Variants in STK33 observed in about 807,000 individuals in gnomAD.
STK33 encodes serine/threonine kinase 33.
A neutral mutation model predicts 58.0 loss-of-function variants in STK33; 52 were observed. The observed-to-expected ratio is 0.90, with a 90% CI of 0.72 to 1.13. STK33 has a LOEUF of 1.13. Ranked by LOEUF, STK33 falls within the 50% of genes most tolerant of loss-of-function variation. The pLI is 0.00. For missense variants in STK33, 630 were observed against 604.2 expected (o/e 1.04, Z -0.45); for synonymous variants, 215 against 200.1 (o/e 1.07, Z -0.63).
At chr11:8,553,166 A>AT (rs1956424859) in intron 1 of STK33, among the ~76,000 whole-genome samples, 1 of 24,226 alleles carries the variant, frequency 4.1e-5, no homozygotes, top group Non-Finnish European at 8.3e-5. Flanking sequence ...TCCAAAAATA[A>AT]AATATATATA....
chr11:8,581,905 C>G (rs77673374), intron 1 of STK33, among the ~76,000 whole-genome samples: 3,467 of 152,250 alleles, frequency 0.023, 141 homozygotes, highest in African/African-American at 0.079. Flanking sequence ...ACATCTATTA[C>G]CCCAGGTCAG....
At chr11:8,337,705 G>T in the STK33 span, among the ~76,000 whole-genome samples, 2 of 151,548 alleles carry the variant, frequency 1.3e-5, no homozygotes, top group African/African-American at 2.4e-5. Context: ...ACCGTTTCTC[G>T]TCTACCGCTC....
At chr11:8,366,752 G>A in the STK33 span, among the ~76,000 whole-genome samples, 1 of 152,210 alleles carries the variant, frequency 6.6e-6, no homozygotes, top group East Asian at 1.9e-4. Context: ...CCATACATCT[G>A]CCACAGGGAT....
At chr11:8,395,660 G>C (rs1229244157) in intron 15 of STK33, among the ~76,000 whole-genome samples, 1 of 151,942 alleles carries the variant, frequency 6.6e-6, no homozygotes, top group Non-Finnish European at 1.5e-5. Context: ...CTTTTTTCTG[G>C]CTATGCAATA....
At chr11:8,400,893 T>C (rs1228328614) in intron 15 of STK33, among the ~76,000 whole-genome samples, 1 of 152,096 alleles carries the variant, frequency 6.6e-6, no homozygotes, top group Non-Finnish European at 1.5e-5. Flanking sequence ...ATAAAATACC[T>C]AGGAATCCAA....
intron 1 of STK33, among the ~76,000 whole-genome samples, chr11:8,559,056 A>G (rs1383298993): frequency 6.6e-6 from 1 of 152,176 alleles, no homozygotes; most frequent in East Asian, 1.9e-4. Context: ...ACATGGCCAA[A>G]CCCTAGAAAA....
At chr11:8,375,298 A>G in the STK33 span, among the ~76,000 whole-genome samples, 1 of 152,242 alleles carries the variant, frequency 6.6e-6, no homozygotes. Context: ...TCTAACAACT[A>G]GCATTTAAGG....
intron 7 of STK33, among the ~76,000 whole-genome samples, chr11:8,462,148 A>G (rs1347443382): frequency 6.6e-6 from 1 of 152,016 alleles, no homozygotes; most frequent in Non-Finnish European, 1.5e-5. Context: ...ATTTTGCCTC[A>G]AGCCACATCT....
chr11:8,363,677 G>A, the STK33 span, among the ~76,000 whole-genome samples: 7 of 152,226 alleles, frequency 4.6e-5, no homozygotes, highest in South Asian at 2.1e-4. Flanking sequence ...ACAACCGTGC[G>A]AATTGAAATC....
chr11:8,465,085 T>C (rs560125498), intron 6 of STK33: 56 of 258,444 alleles, frequency 2.2e-4, no homozygotes, highest in African/African-American at 1.1e-3. Flanking sequence ...CTCAAAAGTA[T>C]AAAAATGAAT....
At chr11:8,357,257 C>T in the STK33 span, among the ~76,000 whole-genome samples, 6 of 152,272 alleles carry the variant, frequency 3.9e-5, no homozygotes, top group Non-Finnish European at 5.9e-5. Context: ...CGCGATTACA[C>T]ATTCTCTGCA....
chr11:8,413,937 A>G (rs1272475221), intron 14 of STK33, among the ~76,000 whole-genome samples: 2 of 152,196 alleles, frequency 1.3e-5, no homozygotes, highest in African/African-American at 4.8e-5. Context: ...TCAGGCTTGA[A>G]AGAACAATGC....
intron 10 of STK33, among the ~76,000 whole-genome samples, 196 bp from the exon 11 acceptor site, chr11:8,453,102 G>A (rs186763740): frequency 2.2e-3 from 342 of 152,284 alleles, no homozygotes; most frequent in African/African-American, 7.8e-3. Flanking sequence ...ACTGGGTAAA[G>A]AGAAGCTTGC....
chr11:8,561,098 CTT>C, intron 1 of STK33, among the ~76,000 whole-genome samples: 1 of 152,294 alleles, frequency 6.6e-6, no homozygotes, highest in Non-Finnish European at 1.5e-5. Context: ...GTTATTCAGA[CTT>C]TACTTGGTCT....
intron 1 of STK33, among the ~76,000 whole-genome samples, chr11:8,520,254 C>T (rs1953277215): frequency 1.3e-5 from 2 of 152,180 alleles, no homozygotes; most frequent in Admixed American, 6.5e-5. Flanking sequence ...ACATGATTAT[C>T]TCAAAAGATG....
chr11:8,424,193 G>C (rs1039308737), intron 14 of STK33, among the ~76,000 whole-genome samples: 25 of 141,574 alleles, frequency 1.8e-4, no homozygotes, highest in African/African-American at 2.9e-4. Context: ...CTGTGTCCTA[G>C]TGTTCTCATT....
At chr11:8,347,083 C>T in the STK33 span, among the ~76,000 whole-genome samples, 1 of 152,186 alleles carries the variant, frequency 6.6e-6, no homozygotes, top group Non-Finnish European at 1.5e-5. Flanking sequence ...CAGGTTAACT[C>T]AACATCTTTT....
intron 1 of STK33, among the ~76,000 whole-genome samples, chr11:8,576,469 T>C (rs1014844490): frequency 2.6e-5 from 4 of 152,214 alleles, no homozygotes; most frequent in Non-Finnish European, 4.4e-5. Flanking sequence ...AGATTGTAGA[T>C]AAAATTTTTA....
intron 1 of STK33, among the ~76,000 whole-genome samples, chr11:8,515,175 G>C (rs1591569100): frequency 6.6e-6 from 1 of 151,990 alleles, no homozygotes; most frequent in South Asian, 2.1e-4. Context: ...CAAACTCTTA[G>C]CTATACTAAG....
Sources: allele counts gnomAD v4.1 joint callset (sites outside exome capture counted in the v4.1 genomes callset), GRCh38; gene constraint gnomAD v4.1.1; transcripts MANE v1.5; gene names NCBI Gene and HGNC (gene_info 2026-07-23, HGNC 2026-07-21).